EXOC6B: variants seen among roughly 807,000 people sequenced by gnomAD.
EXOC6B encodes SEC15 homolog B.
EXOC6B carries 54 observed loss-of-function variants against 113.5 expected under a neutral mutation model. The ratio of observed to expected loss-of-function variants is 0.48; its 90% confidence interval spans 0.38 to 0.60. The LOEUF is 0.60. EXOC6B is among the 20% of genes least tolerant of loss of function. The probability of loss-of-function intolerance (pLI) is 0.00; values close to 1 mark genes in which losing one functional copy is unlikely to be tolerated. For missense variants in EXOC6B, 797 were observed against 977.5 expected (o/e 0.82, Z 2.46); for synonymous variants, 357 against 339.0 (o/e 1.05, Z -0.58).
At chr2:72,816,853 G>A (rs1004360265) in intron 1 of EXOC6B, among the ~76,000 whole-genome samples, 3 of 152,150 alleles carry the variant, frequency 2.0e-5, no homozygotes, top group Non-Finnish European at 4.4e-5. Flanking sequence ...AACCTCCACT[G>A]GAAGAGCTTC....
At chr2:72,594,424 A>T (rs1315062820) in intron 6 of EXOC6B, among the ~76,000 whole-genome samples, 1 of 152,222 alleles carries the variant, frequency 6.6e-6, no homozygotes. Context: ...CTAGCAAACA[A>T]AAAGGCAAAT....
intron 6 of EXOC6B, among the ~76,000 whole-genome samples, chr2:72,645,134 G>C (rs1218251940): frequency 6.6e-6 from 1 of 152,084 alleles, no homozygotes; most frequent in Non-Finnish European, 1.5e-5. Flanking sequence ...AGTGGGGGTT[G>C]CAATCCTAGT....
At chr2:72,466,967 AT>A (rs1698095386) in intron 17 of EXOC6B, among the ~76,000 whole-genome samples, 1 of 152,172 alleles carries the variant, frequency 6.6e-6, no homozygotes, top group African/African-American at 2.4e-5. Context: ...CTAACTGAAA[AT>A]TTCTATCCTT....
At chr2:72,740,693 A>G (rs945144631) in intron 2 of EXOC6B, among the ~76,000 whole-genome samples, 5 of 152,226 alleles carry the variant, frequency 3.3e-5, no homozygotes, top group Non-Finnish European at 5.9e-5. Flanking sequence ...GATAGCTTTT[A>G]TCCAGCAAGG....
At chr2:72,395,315 T>C (rs1692654755) in intron 18 of EXOC6B, among the ~76,000 whole-genome samples, 1 of 152,082 alleles carries the variant, frequency 6.6e-6, no homozygotes, top group Non-Finnish European at 1.5e-5. Context: ...TGCCAGCCAG[T>C]CTCTTTTAAC....
chr2:72,407,873 G>T (rs1488920892), intron 18 of EXOC6B, among the ~76,000 whole-genome samples: 1 of 152,200 alleles, frequency 6.6e-6, no homozygotes, highest in Non-Finnish European at 1.5e-5. Flanking sequence ...AGGGCAATCA[G>T]ACAGGAGAAG....
At chr2:72,309,139 G>C (rs1446406301) in intron 20 of EXOC6B, among the ~76,000 whole-genome samples, 1 of 151,986 alleles carries the variant, frequency 6.6e-6, no homozygotes, top group Non-Finnish European at 1.5e-5. Flanking sequence ...AAGTCTTCCT[G>C]CTTTCATTTT....
chr2:72,304,152 A>G lies in EXOC6B; in HGVS notation c.2196+30795T>C, dbSNP rs141941603. Among the ~76,000 whole-genome samples, 400 of 152,226 alleles carry G rather than the reference A, an allele frequency of 2.6e-3. 1 individual carries two copies. The highest frequency in any genetic ancestry group is 8.8e-3 in the African/African-American group (365 of 41,542). ...CATGTTAGTACATATGACTGCCTCA[A>G]CCTTTTTAAGGAATGTGTGGTATTC... On this transcript the variant is annotated intron_variant, in intron 20 of 21. Coordinates refer to ENST00000272427, the MANE Select transcript of EXOC6B (RefSeq NM_015189.3).
chr2:72,810,483 C>A (rs534175175), intron 1 of EXOC6B, among the ~76,000 whole-genome samples: 2 of 151,770 alleles, frequency 1.3e-5, no homozygotes, highest in African/African-American at 4.8e-5. Context: ...ACATTTAACA[C>A]CTTAAATGTA....
chr2:72,558,118 T>C (rs1422080006), intron 8 of EXOC6B, among the ~76,000 whole-genome samples: 1 of 152,174 alleles, frequency 6.6e-6, no homozygotes, highest in Non-Finnish European at 1.5e-5. Flanking sequence ...CACTGTTACA[T>C]GATTCTAGTA....
chr2:72,214,206 G>A (rs1296217025), intron 20 of EXOC6B, among the ~76,000 whole-genome samples: 2 of 124,830 alleles, frequency 1.6e-5, no homozygotes, highest in Non-Finnish European at 3.8e-5. Flanking sequence ...ACTTCTTATC[G>A]GCCGTGCACG....
chr2:72,732,981 A>T, intron 3 of EXOC6B, 90 bp downstream of exon 3: 1 of 872,268 alleles, frequency 1.1e-6, no homozygotes, highest in Non-Finnish European at 1.9e-6. Context: ...CATACTACTT[A>T]CAGTCTTAAC....
intron 18 of EXOC6B, among the ~76,000 whole-genome samples, chr2:72,413,698 A>G (rs930827467): frequency 1.0e-3 from 158 of 151,428 alleles, no homozygotes; most frequent in Non-Finnish European, 1.9e-3. Flanking sequence ...GAAAAAAAAA[A>G]AAAGAAAAAA....
chr2:72,508,244 A>T (rs1416384849), intron 11 of EXOC6B, among the ~76,000 whole-genome samples: 1 of 151,782 alleles, frequency 6.6e-6, no homozygotes, highest in Non-Finnish European at 1.5e-5. Context: ...AAAGACATGA[A>T]AGGCAAATAA....
At chr2:72,663,637 T>A (rs1451808323) in intron 6 of EXOC6B, among the ~76,000 whole-genome samples, 2 of 152,100 alleles carry the variant, frequency 1.3e-5, no homozygotes, top group Non-Finnish European at 2.9e-5. Context: ...ATGTATTACA[T>A]TTTGGATAAG....
intron 6 of EXOC6B, among the ~76,000 whole-genome samples, chr2:72,627,484 T>C (rs979712094): frequency 2.0e-5 from 3 of 152,166 alleles, no homozygotes; most frequent in Admixed American, 6.6e-5. Flanking sequence ...AAATCATTCC[T>C]GTGATAGGTA....
intron 20 of EXOC6B, among the ~76,000 whole-genome samples, chr2:72,209,637 T>A (rs1340446147): frequency 6.6e-6 from 1 of 152,198 alleles, no homozygotes; most frequent in Non-Finnish European, 1.5e-5. Flanking sequence ...ACTACATGTG[T>A]TTCAGCCAAA....
chr2:72,498,668 C>T, intron 12 of EXOC6B, 117 bp from the exon 13 acceptor site: 1 of 597,496 alleles, frequency 1.7e-6, no homozygotes, highest in Non-Finnish European at 2.9e-6. Context: ...ATTCTTTGAA[C>T]AGCAAATTAA....
chr2:72,203,280 T>C lies in EXOC6B; in HGVS notation c.2197-19093A>G, dbSNP rs185508845. On this transcript the variant is annotated intron_variant, in intron 20 of 21. Coordinates refer to ENST00000272427, the MANE Select transcript of EXOC6B (RefSeq NM_015189.3). Reference sequence around the variant, plus strand: ...TCAGTCCCAGGCACAATATTTCAATTGGTAGTATCATAGCCTATCTTAAAT... The same window carrying C: ...TCAGTCCCAGGCACAATATTTCAATCGGTAGTATCATAGCCTATCTTAAAT... Among the ~76,000 whole-genome samples the C allele has an allele frequency of 7.2e-5, 11 of 152,332 alleles. No individual in the cohort carries two copies. The East Asian group carries it at 2.1e-3, about 29-fold the overall frequency.
Sources: gnomAD v4.1 joint callset for allele counts (sites outside exome capture counted in the v4.1 genomes callset) on GRCh38, gnomAD v4.1.1 for gene constraint, MANE v1.5 for transcripts, NCBI Gene and HGNC (gene_info 2026-07-23, HGNC 2026-07-21) for gene names.